DMD: variants seen among roughly 807,000 people sequenced by gnomAD.
DMD encodes mutant dystrophin.
A neutral mutation model predicts 330.1 loss-of-function variants in DMD; 63 were observed. That is an observed-to-expected ratio of 0.19 (90% CI 0.16 to 0.24). The LOEUF (loss-of-function observed/expected upper bound fraction) is 0.24. Among genes scored for constraint, DMD ranks in the 10% least tolerant of loss-of-function variants. DMD has a pLI of 1.00. For missense variants in DMD, 3,344 were observed against 2,684.1 expected (o/e 1.25, Z -5.43); for synonymous variants, 1,223 against 959.8 (o/e 1.27, Z -5.07).
chrX:33,298,226 T>C (rs2053611438), intron 1 of DMD, among the ~76,000 whole-genome samples: 1 of 110,945 alleles, frequency 9.0e-6, no homozygotes, highest in Admixed American at 9.7e-5. Flanking sequence ...AGGAAAATAG[T>C]TCCTTCATGT....
chrX:32,585,906 G>A (rs1007878455), intron 13 of DMD, among the ~76,000 whole-genome samples: 6 of 109,060 alleles, frequency 5.5e-5, no homozygotes, highest in Admixed American at 1.0e-4. Context: ...TCCAGACATT[G>A]TGTTCTTTCA....
At chrX:32,057,871 G>A (rs1348889709) in intron 44 of DMD, among the ~76,000 whole-genome samples, 2 of 111,075 alleles carry the variant, frequency 1.8e-5, no homozygotes, top group Middle Eastern at 4.2e-3. Flanking sequence ...AAGAGCGCAC[G>A]ATAGTGTCAT....
At chrX:31,622,871 T>TAC (rs1267700584) in intron 55 of DMD, among the ~76,000 whole-genome samples, 17 of 88,830 alleles carry the variant, frequency 1.9e-4, no homozygotes, top group African/African-American at 6.3e-4. Flanking sequence ...TATATATATA[T>TAC]ATATATACAC....
chrX:31,931,954 GA>G, intron 46 of DMD, 125 bp downstream of exon 46: 2 of 818,717 alleles, frequency 2.4e-6, no homozygotes. Context: ...AAAGTTGTGA[GA>G]AAAACACTTT....
chrX:32,936,151 G>A (rs776240635), intron 2 of DMD, among the ~76,000 whole-genome samples: 2 of 105,001 alleles, frequency 1.9e-5, no homozygotes, highest in South Asian at 8.5e-4. Context: ...TGCTCTTGTT[G>A]CCCAGGCTGG....
rs1345680248 is a variant in DMD, at chrX:33,022,201, A to G, written c.32-2001T>C. On this transcript the variant is annotated intron_variant, in intron 1 of 78. Coordinates refer to ENST00000357033, the MANE Select transcript of DMD (RefSeq NM_004006.3). ...GCATACATTCAGATGTCTTTGAAACATACCCAAAACCCTCTGCCAAAAGCT... is the reference window on the plus strand; with the variant it reads ...GCATACATTCAGATGTCTTTGAAACGTACCCAAAACCCTCTGCCAAAAGCT... Among the ~76,000 whole-genome samples, 3 of 111,742 alleles carry G rather than the reference A, an allele frequency of 2.7e-5. No individual in the cohort carries two copies. The East Asian group carries it at 8.4e-4, about 31-fold the overall frequency.
intron 2 of DMD, among the ~76,000 whole-genome samples, chrX:32,928,459 A>G (rs1423528013): frequency 9.0e-6 from 1 of 111,298 alleles, no homozygotes; most frequent in Non-Finnish European, 1.9e-5. Context: ...ACTGTTTTGT[A>G]TATGTGGATA....
At chrX:32,306,046 GT>G (rs369351099) in intron 42 of DMD, among the ~76,000 whole-genome samples, 16,397 of 99,284 alleles carry the variant, frequency 0.17, 1,048 homozygotes, top group African/African-American at 0.2. Context: ...ACAGATTCTG[GT>G]TTTTTTTTTT....
chrX:31,227,768 T>C (rs2046763848), intron 63 of DMD, among the ~76,000 whole-genome samples: 1 of 111,191 alleles, frequency 9.0e-6, no homozygotes, highest in East Asian at 2.8e-4. Context: ...TATCCTCTTT[T>C]ATTTCCTTGA....
At chrX:31,211,452 G>C (rs1406586619) in intron 64 of DMD, among the ~76,000 whole-genome samples, 1 of 112,390 alleles carries the variant, frequency 8.9e-6, no homozygotes, top group Non-Finnish European at 1.9e-5. Context: ...TGGGTGGTTT[G>C]AAGTTTTTCA....
At chrX:32,390,930 G>A (rs1257977322) in intron 30 of DMD, among the ~76,000 whole-genome samples, 2 of 111,959 alleles carry the variant, frequency 1.8e-5, no homozygotes, top group Non-Finnish European at 3.8e-5. Context: ...CTATTTGTCT[G>A]ATAGATATTT....
chrX:32,401,424 G>C (rs1006342808), intron 30 of DMD, among the ~76,000 whole-genome samples: 1 of 112,008 alleles, frequency 8.9e-6, no homozygotes. Flanking sequence ...AACATGGATG[G>C]AATTGTACGT....
rs142871647 is a variant in DMD at position 32,532,737 on chromosome X, T to C, written c.2168+12422A>G. 3.3e-3 allele frequency among the ~76,000 whole-genome samples: 376 copies of C among 112,305 alleles called. 2 individuals are homozygous for C. Among genetic ancestry groups the C allele is most frequent in the African/African-American group, 0.011 (331 of 30,910 alleles). On this transcript the variant is annotated intron_variant, in intron 17 of 78. Transcript: ENST00000357033. The stretch of plus-strand genomic sequence containing the variant: ...TTTCTCACTTTCTCACGTGTGAGAG[T>C]AGTCATATTTGTTTTAGTGTCTTCT...
At chrX:32,302,164 C>T (rs935569811) in intron 42 of DMD, among the ~76,000 whole-genome samples, 1 of 110,964 alleles carries the variant, frequency 9.0e-6, no homozygotes, top group African/African-American at 3.3e-5. Flanking sequence ...TACATTCATT[C>T]GAAACCATAC....
At chrX:33,143,863 G>GA (rs749497889) in intron 1 of DMD, among the ~76,000 whole-genome samples, 277 of 111,006 alleles carry the variant, frequency 2.5e-3, no homozygotes, top group African/African-American at 8.4e-3. Context: ...ATAATACAGG[G>GA]AAAAAAATAC....
At position 32,524,010 on chromosome X, in the gene DMD, G is replaced by C. The variant is rs183119858; in HGVS notation, c.2169-5879C>G. 3.8e-3 allele frequency among the ~76,000 whole-genome samples: 392 copies of C among 103,006 alleles called. 1 individual carries two copies. Among genetic ancestry groups the C allele is most frequent in the African/African-American group, 0.014 (378 of 27,597 alleles). 89.4% of individuals were successfully genotyped at this position (103,006 alleles called of 115,157 possible). A position where few individuals can be genotyped will look rare whatever the true frequency, so the allele number is the denominator to read the frequency against. On this transcript the variant is annotated intron_variant, in intron 17 of 78. Transcript: ENST00000357033. ...TGCAGTGGCGCGATCTCGGCTCACT[G>C]CAAGCTCCGCCTCCCAGGTTCACGC... is the stretch of plus-strand genomic sequence containing the variant.
chrX:33,200,145 T>C (rs1339435073), intron 1 of DMD, among the ~76,000 whole-genome samples: 4 of 111,820 alleles, frequency 3.6e-5, no homozygotes, highest in African/African-American at 1.3e-4. Context: ...ACAAAGTTAC[T>C]GCTAATGTTG....
chrX:32,707,928 G>T (rs1272547660), intron 7 of DMD, among the ~76,000 whole-genome samples: 2 of 112,104 alleles, frequency 1.8e-5, no homozygotes, highest in African/African-American at 6.5e-5. Flanking sequence ...CTCTGCTTAA[G>T]TGATTGTCAC....
At chrX:32,183,588 ATG>A (rs1358947008) in intron 44 of DMD, among the ~76,000 whole-genome samples, 1 of 100,065 alleles carries the variant, frequency 1.0e-5, no homozygotes, top group Non-Finnish European at 2.0e-5. Flanking sequence ...ATATATATAT[ATG>A]TATGTATACA....
Sources: allele counts gnomAD v4.1 joint callset (sites outside exome capture counted in the v4.1 genomes callset), GRCh38; gene constraint gnomAD v4.1.1; transcripts MANE v1.5; gene names NCBI Gene and HGNC (gene_info 2026-07-23, HGNC 2026-07-21).